The following TNIK variants were observed in gnomAD, a reference collection of about 807,000 sequenced individuals.
TNIK encodes TRAF2 and NCK-interacting protein kinase.
In TNIK, 49 loss-of-function variants were observed where a neutral mutation model predicts 191.3. The ratio of observed to expected loss-of-function variants is 0.26; its 90% CI spans 0.20 to 0.32. The LOEUF (loss-of-function observed/expected upper bound fraction) is 0.32. TNIK is among the 10% of genes least tolerant of loss of function. The probability of loss-of-function intolerance (pLI) is 1.00; values close to 1 mark genes in which losing one functional copy is unlikely to be tolerated. For synonymous variants in TNIK, 594 were observed against 600.9 expected, an observed-to-expected ratio of 0.99 and a Z score of 0.17; for missense variants, 1,155 against 1,702.3, an observed-to-expected ratio of 0.68 and a Z score of 5.66.
chr3:171,146,661 G>A (rs1215510452), intron 12 of TNIK, among the ~76,000 whole-genome samples: 8 of 152,138 alleles, frequency 5.3e-5, no homozygotes, highest in Admixed American at 5.2e-4. Flanking sequence ...AGGCCAAGGC[G>A]AGCGGATCAC....
chr3:171,082,642 C>T (rs1022674421), intron 26 of TNIK: 142 of 418,946 alleles, frequency 3.4e-4, no homozygotes, highest in Admixed American at 1.0e-3. Flanking sequence ...CTACCTAATG[C>T]AGAGAGTCCT....
chr3:171,167,458 T>G (rs1368689253), intron 9 of TNIK, among the ~76,000 whole-genome samples, 188 bp from the exon 10 acceptor site: 2 of 152,210 alleles, frequency 1.3e-5, no homozygotes, highest in Non-Finnish European at 2.9e-5. Context: ...ATCATCATCA[T>G]CAACGTGCAA....
At position 171,231,317 on chromosome 3, in the gene TNIK, G is replaced by GTT. The variant is rs569192908; in HGVS notation, c.124-3098_124-3097dup. 4.5e-3 allele frequency among the ~76,000 whole-genome samples: 625 copies of GTT among 139,944 alleles called. 1 individual carries two copies. The highest frequency in any genetic ancestry group is 0.015 in the African/African-American group (559 of 37,466). The allele number at this position is 139,944 out of a possible 152,430, so 91.8% of individuals were successfully genotyped here. A position where few individuals can be genotyped will look rare whatever the true frequency, so the allele number is the denominator to read the frequency against. On this transcript the variant is annotated intron_variant, in intron 2 of 32. Transcript: ENST00000436636. ...TTTGTTTTGTTGTTGTTGTTGTTTT[G>GTT]TTTTTTTTTTTGTTTTTTTAAGTAG...
At chr3:171,266,401 C>A (rs1238576474) in intron 2 of TNIK, among the ~76,000 whole-genome samples, 2 of 152,136 alleles carry the variant, frequency 1.3e-5, no homozygotes, top group Admixed American at 1.3e-4. Flanking sequence ...AAAGCAAACA[C>A]CTTCTGGAGG....
intron 1 of TNIK, among the ~76,000 whole-genome samples, chr3:171,436,237 T>C (rs1282796995): frequency 1.3e-5 from 2 of 150,146 alleles, no homozygotes; most frequent in Admixed American, 6.6e-5. Flanking sequence ...TTTTTACCAC[T>C]ACACTTTGAA....
At chr3:171,227,968 C>T (rs182522101) in intron 3 of TNIK, among the ~76,000 whole-genome samples, 197 bp downstream of exon 3, 18 of 152,278 alleles carry the variant, frequency 1.2e-4, no homozygotes, top group Admixed American at 1.2e-3. Context: ...CTTTGCCCAA[C>T]TGTAGGCTAA....
At chr3:171,314,040 A>T (rs1270003429) in intron 2 of TNIK, among the ~76,000 whole-genome samples, 1 of 152,172 alleles carries the variant, frequency 6.6e-6, no homozygotes, top group African/African-American at 2.4e-5. Flanking sequence ...GTTGCTCCAT[A>T]AATGTTTAAT....
intron 29 of TNIK, among the ~76,000 whole-genome samples, chr3:171,069,553 G>A (rs1718916930): frequency 6.6e-6 from 1 of 152,164 alleles, no homozygotes; most frequent in African/African-American, 2.4e-5. Flanking sequence ...ACTTGGGTTT[G>A]GGTGGTAGAG....
chr3:171,191,365 C>T (rs1325029754), intron 5 of TNIK, among the ~76,000 whole-genome samples: 2 of 152,156 alleles, frequency 1.3e-5, no homozygotes, highest in African/African-American at 4.8e-5. Flanking sequence ...GCCTCAGCCT[C>T]CAGAGTAGCT....
intron 21 of TNIK, among the ~76,000 whole-genome samples, chr3:171,106,069 C>T (rs969510275): frequency 5.3e-5 from 8 of 152,164 alleles, no homozygotes; most frequent in Non-Finnish European, 7.3e-5. Context: ...ATAACTGTCT[C>T]GTCACTCTGG....
chr3:171,363,475 A>G (rs1715269768), intron 2 of TNIK, among the ~76,000 whole-genome samples: 2 of 152,278 alleles, frequency 1.3e-5, no homozygotes, highest in South Asian at 2.1e-4. Context: ...CAAATGTGAA[A>G]GAATGTATTC....
At chr3:171,166,972 C>T in intron 10 of TNIK, 123 bp downstream of exon 10, 1 of 1,252,866 alleles carries the variant, frequency 8.0e-7, no homozygotes, top group Non-Finnish European at 1.1e-6. Flanking sequence ...CAGAGACAGC[C>T]CCTCGCACTA....
chr3:171,116,271 A>C (rs1242609108), intron 18 of TNIK, among the ~76,000 whole-genome samples: 1 of 152,242 alleles, frequency 6.6e-6, no homozygotes, highest in African/African-American at 2.4e-5. Flanking sequence ...GATCAATTTC[A>C]GAAGAATCCC....
intron 2 of TNIK, among the ~76,000 whole-genome samples, chr3:171,294,448 C>T (rs1006146089): frequency 1.3e-5 from 2 of 151,904 alleles, no homozygotes; most frequent in Non-Finnish European, 2.9e-5. Flanking sequence ...AGGCCAGTCG[C>T]GGTGGCTCAC....
At chr3:171,426,155 C>T (rs1414312066) in intron 1 of TNIK, among the ~76,000 whole-genome samples, 1 of 151,856 alleles carries the variant, frequency 6.6e-6, no homozygotes, top group Non-Finnish European at 1.5e-5. Context: ...GGAACCAACC[C>T]AAATGTCCAA....
intron 18 of TNIK, among the ~76,000 whole-genome samples, chr3:171,117,495 A>AATACATATATATGCGACAT (rs1553818536): frequency 6.6e-5 from 10 of 151,184 alleles, no homozygotes; most frequent in Non-Finnish European, 1.2e-4. Context: ...TAAATTAGTA[A>AATACATATATATGCGACAT]ATACATATAT....
At chr3:171,173,129 A>G (rs1735528778) in intron 9 of TNIK, among the ~76,000 whole-genome samples, 1 of 151,860 alleles carries the variant, frequency 6.6e-6, no homozygotes, top group African/African-American at 2.4e-5. Context: ...TCACGCCTGT[A>G]ATCCCAGCAC....
intron 3 of TNIK, among the ~76,000 whole-genome samples, chr3:171,227,497 C>T (rs1455892764): frequency 6.6e-6 from 1 of 152,080 alleles, no homozygotes; most frequent in Non-Finnish European, 1.5e-5. Flanking sequence ...CATTTAATAC[C>T]TTCACATCCT....
In TNIK at chr3:171,069,166, T is replaced by G. The variant is rs534384932; in HGVS notation, c.3550-169A>C. Among the ~76,000 whole-genome samples, 15 of 152,336 alleles carry G rather than the reference T, an allele frequency of 9.8e-5. No individual in the cohort carries two copies. In the South Asian group the frequency reaches 2.9e-3, roughly 29 times the overall value. ...GATATTCTGGCCCTAGGAGGAAGGGTCTAGCATCCATTTGTGCCCCTTTCT... is the reference window on the plus strand; with the variant it reads ...GATATTCTGGCCCTAGGAGGAAGGGGCTAGCATCCATTTGTGCCCCTTTCT... On this transcript the variant is annotated intron_variant, in intron 29 of 32. Transcript: ENST00000436636.
Sources: allele counts gnomAD v4.1 joint callset (sites outside exome capture counted in the v4.1 genomes callset), GRCh38; gene constraint gnomAD v4.1.1; transcripts MANE v1.5; gene names NCBI Gene and HGNC (gene_info 2026-07-23, HGNC 2026-07-21).